Variants in SPPL3 observed in about 807,000 individuals in gnomAD.
SPPL3 encodes signal peptide peptidase-like 3.
SPPL3 carries 5 observed loss-of-function variants against 42.4 expected under a neutral mutation model. The observed-to-expected ratio is 0.12, with a 90% CI of 0.06 to 0.25. The LOEUF (loss-of-function observed/expected upper bound fraction) is 0.25, where lower values mean the gene tolerates loss of function less well. Among genes scored for constraint, SPPL3 ranks in the 10% least tolerant of loss-of-function variants. The probability of loss-of-function intolerance (pLI) is 1.00; values close to 1 mark genes in which losing one functional copy is unlikely to be tolerated. For synonymous variants in SPPL3, 195 were observed against 181.8 expected (o/e 1.07, Z -0.58); for missense variants, 235 against 489.0 (o/e 0.48, Z 4.90).
chr12:120,820,306 A>ATTTTTTTTTT (rs11374486), intron 1 of SPPL3, among the ~76,000 whole-genome samples: 9 of 100,998 alleles, frequency 8.9e-5, no homozygotes, highest in African/African-American at 1.2e-4. Flanking sequence ...CTTTCTCTAA[A>ATTTTTTTTTT]TTTTTTTTTT....
chr12:120,879,352 TTC>T (rs1342157618), intron 1 of SPPL3, among the ~76,000 whole-genome samples: 2 of 152,010 alleles, frequency 1.3e-5, no homozygotes, highest in Admixed American at 6.6e-5. Flanking sequence ...TACGGACTGA[TTC>T]TCTTCTTCAC....
intron 9 of SPPL3, among the ~76,000 whole-genome samples, chr12:120,766,743 CCT>C (rs1868922516): frequency 6.6e-6 from 1 of 152,234 alleles, no homozygotes; most frequent in African/African-American, 2.4e-5. Flanking sequence ...AGACCTTCCA[CCT>C]CTCTGAGCCT....
At chr12:120,900,343 T>C (rs1173562296) in intron 1 of SPPL3, among the ~76,000 whole-genome samples, 1 of 150,846 alleles carries the variant, frequency 6.6e-6, no homozygotes, top group Non-Finnish European at 1.5e-5. Flanking sequence ...CAGGCACTGT[T>C]GCTCACGCCT....
intron 6 of SPPL3, among the ~76,000 whole-genome samples, chr12:120,775,137 A>G (rs950963887): frequency 6.6e-6 from 1 of 152,062 alleles, no homozygotes; most frequent in Non-Finnish European, 1.5e-5. Flanking sequence ...CAGCGCACCA[A>G]GAGTGTAGCA....
At chr12:120,803,480 A>G (rs572426707) in intron 2 of SPPL3, among the ~76,000 whole-genome samples, 1 of 152,312 alleles carries the variant, frequency 6.6e-6, no homozygotes. Context: ...GAGAAAAGCA[A>G]ATTGGAATTT....
chr12:120,792,352 T>C (rs1380284657), intron 2 of SPPL3, among the ~76,000 whole-genome samples: 1 of 152,206 alleles, frequency 6.6e-6, no homozygotes, highest in East Asian at 1.9e-4. Context: ...TTCTTTCTTT[T>C]TTTTTGTGAA....
intron 1 of SPPL3, among the ~76,000 whole-genome samples, chr12:120,837,839 T>C (rs7977343): frequency 0.2 from 29,429 of 147,444 alleles, 4,464 homozygotes; most frequent in African/African-American, 0.43. Context: ...CACACACACA[T>C]GACTAGTGCC....
At position 120,786,748 on chromosome 12, in the gene SPPL3, T is replaced by C. The variant is rs567740391; in HGVS notation, c.191-2155A>G. 1.8e-4 allele frequency among the ~76,000 whole-genome samples: 27 copies of C among 152,172 alleles called. No individual in the cohort carries two copies. The South Asian group carries it at 4.4e-3, about 25-fold the overall frequency. ...CCTGACAATATGCTACCTAAAACAA[T>C]GTCCATGACTTCAGTACTCCATTTC... On this transcript the variant is annotated intron_variant, in intron 3 of 10. Coordinates refer to ENST00000353487, the MANE Select transcript of SPPL3 (RefSeq NM_139015.5).
intron 2 of SPPL3, among the ~76,000 whole-genome samples, chr12:120,797,643 G>T (rs1276143733): frequency 6.6e-6 from 1 of 152,070 alleles, no homozygotes; most frequent in Non-Finnish European, 1.5e-5. Flanking sequence ...GAAGGAAAAG[G>T]CCTTTTAAAA....
chr12:120,766,147 AGAT>A, intron 10 of SPPL3, 113 bp downstream of exon 10: 1 of 722,248 alleles, frequency 1.4e-6, no homozygotes, highest in South Asian at 1.9e-5. Context: ...CACACAGTCG[AGAT>A]CACAAGCTCA....
At chr12:120,802,403 G>GTGTATGTATATATATACACATATA in intron 2 of SPPL3, among the ~76,000 whole-genome samples, 1 of 89,584 alleles carries the variant, frequency 1.1e-5, no homozygotes, top group Non-Finnish European at 1.9e-5. Flanking sequence ...ATATATGTGT[G>GTGTATGTATATATATACACATATA]TGTGTGTGTG....
intron 2 of SPPL3, among the ~76,000 whole-genome samples, chr12:120,793,959 G>C (rs1870012132): frequency 6.6e-6 from 1 of 152,164 alleles, no homozygotes; most frequent in Non-Finnish European, 1.5e-5. Context: ...TATCTTCACT[G>C]ATTTTCTGCC....
At chr12:120,844,486 C>G (rs1871950712) in intron 1 of SPPL3, among the ~76,000 whole-genome samples, 1 of 152,148 alleles carries the variant, frequency 6.6e-6, no homozygotes, top group Admixed American at 6.6e-5. Flanking sequence ...CTCCTGTCTA[C>G]CTATCTGATC....
chr12:120,817,547 C>A (rs146050777), intron 1 of SPPL3, among the ~76,000 whole-genome samples: 3 of 152,124 alleles, frequency 2.0e-5, no homozygotes, highest in Non-Finnish European at 2.9e-5. Flanking sequence ...GGTAAGCCAT[C>A]ATCTTACCCT....
chr12:120,864,734 A>C (rs1040868066), intron 1 of SPPL3, among the ~76,000 whole-genome samples: 4 of 152,252 alleles, frequency 2.6e-5, no homozygotes, highest in Non-Finnish European at 5.9e-5. Context: ...TCAACCCTAC[A>C]GGTGCTTTTC....
intron 1 of SPPL3, among the ~76,000 whole-genome samples, chr12:120,875,267 TAA>T (rs1211545909): frequency 6.6e-6 from 1 of 152,080 alleles, no homozygotes; most frequent in Non-Finnish European, 1.5e-5. Context: ...AGAAAAAAAT[TAA>T]AATAGAAAAA....
chr12:120,832,287 G>A (rs1168937), intron 1 of SPPL3, among the ~76,000 whole-genome samples: 146,523 of 152,252 alleles, frequency 0.96, 70,767 homozygotes, highest in South Asian at 1. Flanking sequence ...CCCAAGAATT[G>A]TGAGATTGGT....
chr12:120,862,559 T>C (rs1872642394), intron 1 of SPPL3, among the ~76,000 whole-genome samples: 1 of 152,166 alleles, frequency 6.6e-6, no homozygotes, highest in Non-Finnish European at 1.5e-5. Context: ...GTTGGTTTAT[T>C]ATAAAGGATA....
chr12:120,876,624 A>AAAAAAAAAAAAAAAG (rs1873100816), intron 1 of SPPL3, among the ~76,000 whole-genome samples: 3 of 143,778 alleles, frequency 2.1e-5, no homozygotes, highest in African/African-American at 8.5e-5. Context: ...CTCAAAAAAA[A>AAAAAAAAAAAAAAAG]AAAAAAAAAA....
Sources: allele counts gnomAD v4.1 joint callset (sites outside exome capture counted in the v4.1 genomes callset), GRCh38; gene constraint gnomAD v4.1.1; transcripts MANE v1.5; gene names NCBI Gene and HGNC (gene_info 2026-07-23, HGNC 2026-07-21).